TMTC2: variants seen among roughly 807,000 people sequenced by gnomAD.
The protein encoded by TMTC2 is protein O-mannosyl-transferase TMTC2.
Under a neutral mutation model 82.4 loss-of-function variants are expected in TMTC2, and 43 were observed. The ratio of observed to expected loss-of-function variants is 0.52; its 90% confidence interval spans 0.41 to 0.67. The LOEUF (loss-of-function observed/expected upper bound fraction) is 0.67, where lower values mean the gene tolerates loss of function less well. TMTC2 is among the 30% of genes least tolerant of loss of function. The pLI is 0.00. For missense variants in TMTC2, 919 were observed against 1,012.4 expected (o/e 0.91, Z 1.25); for synonymous variants, 408 against 381.9 (o/e 1.07, Z -0.80).
chr12:83,110,977 A>C (rs1884581698), intron 11 of TMTC2, among the ~76,000 whole-genome samples: 1 of 152,198 alleles, frequency 6.6e-6, no homozygotes, highest in Non-Finnish European at 1.5e-5. Context: ...ATTCCTGATC[A>C]TCCTCCCACA....
At chr12:82,837,448 C>T (rs141677168) in intron 1 of TMTC2, among the ~76,000 whole-genome samples, 2,283 of 151,552 alleles carry the variant, frequency 0.015, 50 homozygotes, top group African/African-American at 0.053. Context: ...TCTCTAAAAA[C>T]AAAACAAAAA....
At chr12:82,824,221 T>G (rs1565766732) in intron 1 of TMTC2, among the ~76,000 whole-genome samples, 1 of 152,116 alleles carries the variant, frequency 6.6e-6, no homozygotes, top group Admixed American at 6.6e-5. Context: ...AACAAATGTT[T>G]TGTATGGATC....
chr12:82,877,892 A>G (rs1872657179), intron 2 of TMTC2, among the ~76,000 whole-genome samples: 1 of 152,208 alleles, frequency 6.6e-6, no homozygotes, highest in Non-Finnish European at 1.5e-5. Flanking sequence ...TGAAATGTGT[A>G]AGTTAAAGAA....
chr12:82,805,497 CTTTTTTTTTTTTTTTTTT>C (rs753878105), intron 1 of TMTC2, among the ~76,000 whole-genome samples: 1 of 90,562 alleles, frequency 1.1e-5, no homozygotes, highest in African/African-American at 4.8e-5. Flanking sequence ...CCTCTCCCCA[CTTTTTTTTTTTTTTTTTT>C]TTTTTTTTTT....
intron 1 of TMTC2, among the ~76,000 whole-genome samples, chr12:82,708,720 C>T (rs1164517344): frequency 6.6e-6 from 1 of 152,232 alleles, no homozygotes; most frequent in Admixed American, 6.5e-5. Flanking sequence ...CTTGGGCCCC[C>T]TCTGCCTCCT....
intron 3 of TMTC2, 40 bp from the exon 4 acceptor site, chr12:82,930,391 A>G: frequency 8.2e-7 from 1 of 1,225,216 alleles, no homozygotes; most frequent in Non-Finnish European, 1.2e-6. Flanking sequence ...GTATAATTGG[A>G]TTGATGCTCA....
intron 7 of TMTC2, among the ~76,000 whole-genome samples, chr12:82,973,426 A>G (rs370226107): frequency 1.7e-4 from 26 of 152,308 alleles, no homozygotes; most frequent in East Asian, 1.4e-3. Flanking sequence ...GAGAAATTTT[A>G]GAAGTATACT....
At chr12:82,875,024 A>G (rs902760799) in intron 2 of TMTC2, among the ~76,000 whole-genome samples, 7 of 152,140 alleles carry the variant, frequency 4.6e-5, no homozygotes, top group Non-Finnish European at 1.0e-4. Flanking sequence ...CAGATAGTCA[A>G]TGTTTTTTGC....
In TMTC2 at chr12:82,702,642, A is replaced by G. The variant is rs553139806; in HGVS notation, c.83+14973A>G. ...CAGATGACTTTTAGAACTAAACAGAAGAAGCCAGGTGTGGTGGCTCACACA... is the reference window on the plus strand; with the variant it reads ...CAGATGACTTTTAGAACTAAACAGAGGAAGCCAGGTGTGGTGGCTCACACA... On this transcript the variant is annotated intron_variant, in intron 1 of 11. Transcript: ENST00000321196. Among the ~76,000 whole-genome samples, 112 of 152,310 alleles carry G rather than the reference A, an allele frequency of 7.4e-4. 3 individuals carry two copies. Among genetic ancestry groups the G allele is most frequent in the Admixed American group, 1.1e-3 (17 of 15,302 alleles).
intron 11 of TMTC2, among the ~76,000 whole-genome samples, chr12:83,106,500 CAA>C (rs769681273): frequency 1.0e-4 from 6 of 58,630 alleles, no homozygotes; most frequent in Middle Eastern, 0.01. Context: ...ACTCTGTCTC[CAA>C]AAAAAAAAAA....
At position 82,965,576 on chromosome 12, in the gene TMTC2, C is replaced by T. The variant is rs756009746; in HGVS notation, c.1701C>T (p.Thr567=). The T allele has an allele frequency of 1.3e-5, 21 of 1,613,450 alleles. No homozygotes were observed. The highest frequency in any genetic ancestry group is 5.0e-5 in the Admixed American group (3 of 59,966). The change falls in exon 6 of 12, where the codon ACC becomes ACT. Residue 567 remains threonine, a synonymous_variant. Transcript: ENST00000321196. ...CCCCCTCAGCTGCATATTTAAATAC[C>T]GGTATTATTCTAATGAACCAAGGAA... ...RPTLASAYLN[T]GIILMNQGRT... is the part of the protein sequence containing the mutation.
At chr12:82,781,170 T>G (rs1263469623) in intron 1 of TMTC2, among the ~76,000 whole-genome samples, 2 of 152,024 alleles carry the variant, frequency 1.3e-5, no homozygotes, top group African/African-American at 2.4e-5. Flanking sequence ...ACAAACAAAA[T>G]AGGACACGAG....
intron 9 of TMTC2, among the ~76,000 whole-genome samples, chr12:83,036,735 A>G (rs550409032): frequency 2.6e-5 from 4 of 152,160 alleles, no homozygotes; most frequent in Non-Finnish European, 5.9e-5. Context: ...CTATAACAGA[A>G]TACCTGAGAC....
intron 1 of TMTC2, among the ~76,000 whole-genome samples, chr12:82,787,163 A>G (rs1448871386): frequency 6.6e-6 from 1 of 152,102 alleles, no homozygotes; most frequent in Admixed American, 6.6e-5. Flanking sequence ...TCTACTAGAC[A>G]AAGCAGTTTT....
At chr12:82,852,358 C>T (rs1230922344) in intron 1 of TMTC2, among the ~76,000 whole-genome samples, 3 of 152,100 alleles carry the variant, frequency 2.0e-5, no homozygotes, top group Admixed American at 6.6e-5. Context: ...CCATCGTCCT[C>T]GGCCTCCCAA....
At chr12:82,814,968 C>T (rs1868606980) in intron 1 of TMTC2, among the ~76,000 whole-genome samples, 1 of 152,024 alleles carries the variant, frequency 6.6e-6, no homozygotes, top group Non-Finnish European at 1.5e-5. Flanking sequence ...TGGAAGTAAA[C>T]ATACAGGTGC....
At chr12:82,837,799 ATTC>A (rs1870131709) in intron 1 of TMTC2, among the ~76,000 whole-genome samples, 2 of 152,210 alleles carry the variant, frequency 1.3e-5, no homozygotes, top group Admixed American at 6.5e-5. Context: ...ATTGTGTATT[ATTC>A]TTTTAGGATT....
At chr12:82,917,101 A>C (rs1875043412) in intron 3 of TMTC2, among the ~76,000 whole-genome samples, 1 of 152,190 alleles carries the variant, frequency 6.6e-6, no homozygotes, top group Non-Finnish European at 1.5e-5. Flanking sequence ...TCATACAATT[A>C]GTAAAATGCT....
intron 11 of TMTC2, among the ~76,000 whole-genome samples, chr12:83,087,955 C>T (rs1436962976): frequency 6.6e-6 from 1 of 152,212 alleles, no homozygotes; most frequent in African/African-American, 2.4e-5. Flanking sequence ...AGTGACTTCT[C>T]TCTGGCTATG....
Sources: gnomAD v4.1 joint callset for allele counts (sites outside exome capture counted in the v4.1 genomes callset) on GRCh38, gnomAD v4.1.1 for gene constraint, MANE v1.5 for transcripts, NCBI Gene and HGNC (gene_info 2026-07-23, HGNC 2026-07-21) for gene names.